RFPL1: variants seen among roughly 807,000 people sequenced by gnomAD.
RFPL1 encodes ret finger protein-like 1.
RFPL1 carries 6 observed loss-of-function variants against 9.6 expected under a neutral mutation model. The observed-to-expected ratio is 0.62, with a 90% confidence interval of 0.34 to 1.23. The LOEUF (loss-of-function observed/expected upper bound fraction) is 1.23, where lower values mean the gene tolerates loss of function less well. Among genes scored for constraint, RFPL1 ranks in the 50% most tolerant of loss-of-function variants. RFPL1 has a pLI of 0.03. For missense variants in RFPL1, 352 were observed against 398.4 expected, an observed-to-expected ratio of 0.88 and a Z score of 0.99; for synonymous variants, 145 against 149.4, an observed-to-expected ratio of 0.97 and a Z score of 0.22.
At chr22:29,442,204 C>G (rs553887798) in exon 2 of RFPL1, 10 of 1,030,510 alleles carry the variant, frequency 9.7e-6, no homozygotes, top group Non-Finnish European at 1.4e-5. Flanking sequence ...TCGGTAAAAG[C>G]GTTATACAAA....
At chr22:29,418,490 C>T in the RFPL1 span, among the ~76,000 whole-genome samples, 18 of 148,884 alleles carry the variant, frequency 1.2e-4, no homozygotes, top group Admixed American at 5.4e-4. Flanking sequence ...CATTCTTCTT[C>T]GTCTTCTTTT....
At chr22:29,402,024 C>G in the RFPL1 span, among the ~76,000 whole-genome samples, 1 of 152,100 alleles carries the variant, frequency 6.6e-6, no homozygotes, top group African/African-American at 2.4e-5. Context: ...TTTTAAAATC[C>G]ACATCAAAAA....
At chr22:29,389,112 A>T in the RFPL1 span, among the ~76,000 whole-genome samples, 1 of 152,080 alleles carries the variant, frequency 6.6e-6, no homozygotes, top group Non-Finnish European at 1.5e-5. Context: ...TGGTCTCGAA[A>T]TCATGGACCC....
intron 1 of RFPL1, 91 bp downstream of exon 1, chr22:29,439,255 C>T: frequency 1.3e-6 from 2 of 1,495,358 alleles, no homozygotes; most frequent in Non-Finnish European, 1.8e-6. Context: ...TGGGGATTAG[C>T]TGCTGTCTGG....
At chr22:29,417,137 G>C in the RFPL1 span, among the ~76,000 whole-genome samples, 1 of 152,096 alleles carries the variant, frequency 6.6e-6, no homozygotes, top group African/African-American at 2.4e-5. Context: ...AGAATGGGGA[G>C]GAGGGAGGAG....
the RFPL1 span, among the ~76,000 whole-genome samples, chr22:29,399,103 C>T: frequency 6.6e-6 from 1 of 152,184 alleles, no homozygotes; most frequent in South Asian, 2.1e-4. Flanking sequence ...TTACTTCAGA[C>T]TCACCAATAA....
At chr22:29,435,352 C>T (rs1039788906), upstream of RFPL1, among the ~76,000 whole-genome samples, 4 of 152,130 alleles carry the variant, frequency 2.6e-5, no homozygotes, top group Admixed American at 2.6e-4. Flanking sequence ...TTCCTTCTTC[C>T]CTGGAGCATC....
At chr22:29,387,984 C>A in the RFPL1 span, among the ~76,000 whole-genome samples, 35 of 152,326 alleles carry the variant, frequency 2.3e-4, no homozygotes, top group Non-Finnish European at 4.4e-4. Context: ...CAGTGCCTAG[C>A]CGGAGGCGGG....
At chr22:29,420,626 GT>G in the RFPL1 span, among the ~76,000 whole-genome samples, 2 of 82,586 alleles carry the variant, frequency 2.4e-5, 1 homozygote, top group Non-Finnish European at 4.3e-5. Context: ...ACTGCAGATG[GT>G]TTTTTGCTTT....
the RFPL1 span, among the ~76,000 whole-genome samples, chr22:29,395,026 G>A: frequency 2.0e-5 from 3 of 152,146 alleles, no homozygotes; most frequent in Non-Finnish European, 4.4e-5. Context: ...CCCTCAGCAA[G>A]TCCCTTCCCC....
At chr22:29,422,607 GT>G in the RFPL1 span, among the ~76,000 whole-genome samples, 1 of 152,130 alleles carries the variant, frequency 6.6e-6, no homozygotes, top group East Asian at 1.9e-4. Context: ...GCTGGGCATA[GT>G]GGCGGGCACA....
At chr22:29,420,482 C>T in the RFPL1 span, among the ~76,000 whole-genome samples, 2 of 152,000 alleles carry the variant, frequency 1.3e-5, no homozygotes, top group African/African-American at 2.4e-5. Flanking sequence ...AGGCACGTGC[C>T]GTCATGCCTG....
In RFPL1 at chr22:29,439,560, G is replaced by C. The variant is rs1042527527; in HGVS notation, c.373+396G>C. ...GGCAGGAGAATGGCGTTAACCTGGG[G>C]GGGGCGGAGCTTGCAGTGAGCCAAG... On this transcript the variant is annotated intron_variant, in intron 1 of 1. Transcript: ENST00000354373. 6.8e-5 allele frequency: 13 copies of C among 192,468 alleles called. No individual in the cohort carries two copies. The East Asian group carries it at 8.7e-4, about 13-fold the overall frequency. 11.9% of individuals were successfully genotyped at this position (192,468 alleles called of 1,614,324 possible). A position where few individuals can be genotyped will look rare whatever the true frequency, so the allele number is the denominator to read the frequency against.
At chr22:29,404,885 C>T in the RFPL1 span, among the ~76,000 whole-genome samples, 8 of 152,078 alleles carry the variant, frequency 5.3e-5, no homozygotes, top group Admixed American at 1.3e-4. Flanking sequence ...CACTACCACA[C>T]CTGGCTAATT....
intron 1 of RFPL1, 112 bp from the exon 2 acceptor site, chr22:29,441,427 GGAA>G (rs1336990804): frequency 1.6e-6 from 2 of 1,274,760 alleles, no homozygotes; most frequent in Non-Finnish European, 2.2e-6. Context: ...TGATTTTGGG[GGAA>G]GAAGAGAATT....
At chr22:29,394,406 G>T in the RFPL1 span, among the ~76,000 whole-genome samples, 2 of 148,876 alleles carry the variant, frequency 1.3e-5, no homozygotes, top group Non-Finnish European at 3.0e-5. Flanking sequence ...GCGGTGGTGC[G>T]GTCTTGGCTC....
chr22:29,440,793 T>TC (rs2062834812), intron 1 of RFPL1: 1 of 152,222 alleles, frequency 6.6e-6, no homozygotes, highest in Non-Finnish European at 1.5e-5. Flanking sequence ...GCCAGGATGG[T>TC]CTCGATCTCC....
At chr22:29,417,388 C>T in the RFPL1 span, among the ~76,000 whole-genome samples, 312 of 151,862 alleles carry the variant, frequency 2.1e-3, 2 homozygotes, top group African/African-American at 7.0e-3. Context: ...AGCCCCTTCC[C>T]GGAGCTGCTG....
chr22:29,402,125 C>T, the RFPL1 span, among the ~76,000 whole-genome samples: 32 of 152,296 alleles, frequency 2.1e-4, no homozygotes, highest in African/African-American at 7.2e-4. Context: ...CCATGATCGG[C>T]TTGTGGGGAT....
Sources: gnomAD v4.1 joint callset for allele counts (sites outside exome capture counted in the v4.1 genomes callset) on GRCh38, gnomAD v4.1.1 for gene constraint, MANE v1.5 for transcripts, NCBI Gene and HGNC (gene_info 2026-07-23, HGNC 2026-07-21) for gene names.